WDR20: variants seen among roughly 807,000 people sequenced by gnomAD.
WDR20 encodes the protein WD repeat-containing protein 20.
Under a neutral mutation model 38.7 loss-of-function variants are expected in WDR20, and 3 were observed. That is an observed-to-expected ratio of 0.08 (90% CI 0.04 to 0.20). The LOEUF (loss-of-function observed/expected upper bound fraction) is 0.20, where lower values mean the gene tolerates loss of function less well. Among genes scored for constraint, WDR20 ranks in the 10% least tolerant of loss-of-function variants. WDR20 has a pLI of 1.00. For missense variants in WDR20, 559 were observed against 727.7 expected (o/e 0.77, Z 2.67); for synonymous variants, 298 against 285.6 (o/e 1.04, Z -0.44).
At chr14:102,168,737 G>C (rs557411581) in intron 1 of WDR20, among the ~76,000 whole-genome samples, 1 of 152,046 alleles carries the variant, frequency 6.6e-6, no homozygotes, top group East Asian at 1.9e-4. Context: ...TTTTTTTCAC[G>C]ATCTACTTCC....
At chr14:102,158,178 A>T (rs562773579) in intron 1 of WDR20, among the ~76,000 whole-genome samples, 92 of 152,162 alleles carry the variant, frequency 6.0e-4, no homozygotes, top group Non-Finnish European at 1.2e-4. Flanking sequence ...TGTGCCCTGC[A>T]TGTGGTTGAA....
Position 102,209,975 on chromosome 14 carries a change from TC to T in WDR20, c.*96del. 1 of 1,490,652 alleles carries T rather than the reference TC, an allele frequency of 6.7e-7. No homozygotes were observed. Among genetic ancestry groups the T allele is most frequent in the Non-Finnish European group, 8.9e-7 (1 of 1,128,936 alleles). The allele number at this position is 1,490,652 out of a possible 1,614,324, so 92.3% of individuals were successfully genotyped here. Reference sequence around the variant, plus strand: ...AATGAATGTGAATGACACTTCTTATTCTTAATGTAAATCTCAATGCATCAGA... The same window carrying T: ...AATGAATGTGAATGACACTTCTTATTTTAATGTAAATCTCAATGCATCAGA... On this transcript the variant is annotated 3_prime_UTR_variant, in exon 3 of 3. Transcript: ENST00000342702. This position sits in a 1 kb window ranked among gnomAD's most constrained non-coding sequence, Gnocchi z 6.0.
intron 1 of WDR20, among the ~76,000 whole-genome samples, chr14:102,190,726 T>G (rs2066154399): frequency 6.6e-6 from 1 of 150,720 alleles, no homozygotes; most frequent in Non-Finnish European, 1.5e-5. Flanking sequence ...ACAGGCCAGG[T>G]GTGGTGGCTC....
chr14:102,144,822 C>T (rs1344941509), intron 1 of WDR20, among the ~76,000 whole-genome samples: 1 of 151,904 alleles, frequency 6.6e-6, no homozygotes, highest in Non-Finnish European at 1.5e-5. Context: ...TTGGGCTACT[C>T]CCGAGTAGCT....
At chr14:102,190,004 ACTGT>A (rs1266708257) in intron 1 of WDR20, among the ~76,000 whole-genome samples, 2 of 152,106 alleles carry the variant, frequency 1.3e-5, no homozygotes, top group Non-Finnish European at 2.9e-5. Flanking sequence ...GGCAAAGGAG[ACTGT>A]CCCTACCAAG....
At chr14:102,184,162 T>C (rs1028939578) in intron 1 of WDR20, among the ~76,000 whole-genome samples, 5 of 152,176 alleles carry the variant, frequency 3.3e-5, no homozygotes, top group Admixed American at 6.5e-5. Flanking sequence ...TGTGTGCAAA[T>C]TGAATTTATC....
intron 1 of WDR20, among the ~76,000 whole-genome samples, chr14:102,161,907 C>A (rs971428540): frequency 1.3e-5 from 2 of 152,150 alleles, no homozygotes; most frequent in African/African-American, 4.8e-5. Flanking sequence ...ACCAAACCTC[C>A]TTCTTTGACT....
At chr14:102,144,669 T>C (rs2052924351) in intron 1 of WDR20, among the ~76,000 whole-genome samples, 1 of 151,910 alleles carries the variant, frequency 6.6e-6, no homozygotes, top group African/African-American at 2.4e-5. Flanking sequence ...CCCCATGGTG[T>C]ATCAGTTTTA....
In WDR20 at chr14:102,177,231, G is replaced by A. The variant is rs375475664; in HGVS notation, c.250-17707G>A. Among the ~76,000 whole-genome samples, 6 of 152,296 alleles carry A rather than the reference G, an allele frequency of 3.9e-5. No homozygotes were observed. In the East Asian group the frequency reaches 9.6e-4, roughly 24 times the overall value. ...CTGAGACCATTGTTTTCACACACTTGTTTATCTATTTGTCTCACTCTTTTC... is the reference window on the plus strand; with the variant it reads ...CTGAGACCATTGTTTTCACACACTTATTTATCTATTTGTCTCACTCTTTTC... On this transcript the variant is annotated intron_variant, in intron 1 of 2. Transcript: ENST00000342702.
At chr14:102,169,265 C>G (rs1240891396) in intron 1 of WDR20, among the ~76,000 whole-genome samples, 1 of 152,204 alleles carries the variant, frequency 6.6e-6, no homozygotes, top group Non-Finnish European at 1.5e-5. Context: ...AAATGTGGTT[C>G]TGTGAAAGAA....
At chr14:102,189,641 AACTT>A (rs1195146890) in intron 1 of WDR20, among the ~76,000 whole-genome samples, 1 of 152,218 alleles carries the variant, frequency 6.6e-6, no homozygotes, top group African/African-American at 2.4e-5. Context: ...AGTGGAAAAA[AACTT>A]ACGGTGAAGA....
At chr14:102,202,423 A>G (rs1293763204) in intron 2 of WDR20, among the ~76,000 whole-genome samples, 2 of 117,402 alleles carry the variant, frequency 1.7e-5, no homozygotes, top group East Asian at 2.8e-4. Flanking sequence ...TCTGTCGCCC[A>G]GGCTGGAGTG....
chr14:102,189,369 TTAA>T (rs1301310614), intron 1 of WDR20, among the ~76,000 whole-genome samples: 1 of 152,222 alleles, frequency 6.6e-6, no homozygotes. Flanking sequence ...AGTTGAGAAC[TTAA>T]TAAGTATGAT....
chr14:102,196,101 T>G (rs2059364982), intron 2 of WDR20, among the ~76,000 whole-genome samples: 2 of 152,218 alleles, frequency 1.3e-5, no homozygotes, highest in African/African-American at 4.8e-5. Context: ...AAATTCAAAT[T>G]GACAAATGGC....
At chr14:102,214,698 T>A (rs969654807), downstream of WDR20, 1 of 982,382 alleles carries the variant, frequency 1.0e-6, no homozygotes, top group African/African-American at 1.7e-5. Context: ...AATTCACATG[T>A]ATTTCCTTTT....
downstream of WDR20, among the ~76,000 whole-genome samples, chr14:102,218,925 G>C (rs1597146644): frequency 6.6e-6 from 1 of 152,362 alleles, no homozygotes; most frequent in African/African-American, 2.4e-5. Context: ...CCCCTTGCCA[G>C]GTCCTCCGTC....
chr14:102,198,959 A>G (rs1369561997), intron 2 of WDR20, among the ~76,000 whole-genome samples: 1 of 152,128 alleles, frequency 6.6e-6, no homozygotes, highest in Non-Finnish European at 1.5e-5. Flanking sequence ...AGGGGTTACA[A>G]TTTGGCAGTT....
chr14:102,189,932 T>C (rs2065915588), intron 1 of WDR20, among the ~76,000 whole-genome samples: 1 of 152,184 alleles, frequency 6.6e-6, no homozygotes, highest in South Asian at 2.1e-4. Context: ...AAAGAATGGT[T>C]GGGAAAATCC....
intron 1 of WDR20, among the ~76,000 whole-genome samples, chr14:102,170,226 TATC>T (rs2060543714): frequency 6.6e-6 from 1 of 152,248 alleles, no homozygotes; most frequent in African/African-American, 2.4e-5. Flanking sequence ...TGTGTACATT[TATC>T]ATAATTCTTC....
Sources: gnomAD v4.1 joint callset for allele counts (sites outside exome capture counted in the v4.1 genomes callset) on GRCh38, gnomAD v4.1.1 for gene constraint, Gnocchi (gnomAD v3.1) non-coding constraint, MANE v1.5 for transcripts, NCBI Gene and HGNC (gene_info 2026-07-23, HGNC 2026-07-21) for gene names.